The following TEX264 variants were observed in gnomAD, a reference collection of about 807,000 sequenced individuals.
The protein encoded by TEX264 is testis-expressed protein 264.
TEX264 carries 13 observed loss-of-function variants against 23.4 expected under a neutral mutation model. The observed-to-expected ratio is 0.56, with a 90% CI of 0.36 to 0.88. TEX264 has a LOEUF of 0.88. Ranked by LOEUF, TEX264 falls within the 40% of genes least tolerant of loss-of-function variation. The probability of loss-of-function intolerance (pLI) is 0.01; values close to 1 mark genes in which losing one functional copy is unlikely to be tolerated. For missense variants in TEX264, 340 were observed against 406.8 expected (o/e 0.84, Z 1.41); for synonymous variants, 159 against 170.0 (o/e 0.94, Z 0.50).
intron 3 of TEX264, among the ~76,000 whole-genome samples, chr3:51,694,996 A>G (rs1432812586): frequency 1.3e-5 from 2 of 152,226 alleles, no homozygotes; most frequent in African/African-American, 4.8e-5. Flanking sequence ...TGCACGTGCC[A>G]TGAAGACCAG....
Position 51,703,929 on chromosome 3 carries a change from GGA to G in TEX264, c.857_858del (p.Glu286ValfsTer8), listed in dbSNP as rs1703426286. The stretch of plus-strand genomic sequence containing the variant: ...ACTTGGAGGGCGAGGGGCCCTTAGG[GGA>G]GTCACGGCTGGACCCTGGGACTGAG... Reference protein sequence around the residue: ...LDLEGEGPLGESRLDPGTEPL... With the variant: ...LDLEGEGPLGXSRLDPGTEPL... On this transcript the variant is annotated frameshift_variant, in exon 5 of 5. Coordinates refer to ENST00000341333, the MANE Select transcript of TEX264 (RefSeq NM_015926.6). LOFTEE classifies it low-confidence loss of function (END_TRUNC). This position sits in a 1 kb window ranked among gnomAD's most constrained non-coding sequence, Gnocchi z 4.8. 1 of 1,605,844 alleles carries G rather than the reference GGA, an allele frequency of 6.2e-7. No individual in the cohort carries two copies. Among genetic ancestry groups the G allele is most frequent in the Non-Finnish European group, 8.5e-7 (1 of 1,174,464 alleles).
intron 2 of TEX264, among the ~76,000 whole-genome samples, chr3:51,675,428 A>G (rs1416969523): frequency 6.6e-6 from 1 of 152,180 alleles, no homozygotes; most frequent in Non-Finnish European, 1.5e-5. Context: ...CAAGTGCACA[A>G]GTCCTGCAGT....
intron 4 of TEX264, among the ~76,000 whole-genome samples, chr3:51,702,180 C>G (rs571498184): frequency 6.6e-6 from 1 of 152,140 alleles, no homozygotes; most frequent in Middle Eastern, 3.2e-3. Flanking sequence ...GAAACTGTCT[C>G]CCTCCTTTGC....
chr3:51,675,372 C>A (rs1171461472), intron 2 of TEX264, among the ~76,000 whole-genome samples: 1 of 152,174 alleles, frequency 6.6e-6, no homozygotes, highest in African/African-American at 2.4e-5. Flanking sequence ...CCATGCCAAA[C>A]CAAGCATTTG....
intron 3 of TEX264, among the ~76,000 whole-genome samples, chr3:51,689,525 G>C (rs1702751028): frequency 6.6e-6 from 1 of 151,932 alleles, no homozygotes; most frequent in South Asian, 2.1e-4. Context: ...ATAGTTCTCA[G>C]ACTGCCCTGG....
rs111271148 is a variant in TEX264 at position 51,680,307 on chromosome 3, C to G, written c.259-4106C>G. Among the ~76,000 whole-genome samples the G allele has an allele frequency of 5.1e-3, 784 of 152,356 alleles. 5 individuals are homozygous for G. The highest frequency in any genetic ancestry group is 0.018 in the African/African-American group (731 of 41,584). On this transcript the variant is annotated intron_variant, in intron 2 of 4. Transcript: ENST00000341333. ...AAGATTATCAGTCTTGTCCAGTTCCCAGACTCAGCGAGGTCTTGGCTTGGC... is the reference window on the plus strand; with the variant it reads ...AAGATTATCAGTCTTGTCCAGTTCCGAGACTCAGCGAGGTCTTGGCTTGGC...
intron 3 of TEX264, among the ~76,000 whole-genome samples, chr3:51,693,325 C>G (rs6768707): frequency 6.6e-6 from 1 of 152,178 alleles, no homozygotes; most frequent in Non-Finnish European, 1.5e-5. Context: ...CTCACACCTT[C>G]CCACTCCTGC....
chr3:51,684,452 C>T lies in TEX264; in HGVS notation c.298C>T (p.Leu100=). The T allele has an allele frequency of 6.2e-7, 1 of 1,614,202 alleles. No homozygotes were observed. Among genetic ancestry groups the T allele is most frequent in the Non-Finnish European group, 8.5e-7 (1 of 1,180,036 alleles). Reference sequence around the variant, plus strand: ...GTGCCGATGTGCCGTGGGCAGCATCCTGAGTGAAGGTGAGGAATCGCCCTC... The same window carrying T: ...GTGCCGATGTGCCGTGGGCAGCATCTTGAGTGAAGGTGAGGAATCGCCCTC... ...DKCRCAVGSI[L]SEGEESPSPE... is the part of the protein sequence containing the mutation. Residue 100 remains leucine (L), a synonymous_variant, in exon 3 of 5, where the codon CTG becomes TTG. Transcript: ENST00000341333.
intron 3 of TEX264, among the ~76,000 whole-genome samples, chr3:51,690,764 C>G (rs1702799480): frequency 6.6e-6 from 1 of 152,138 alleles, no homozygotes; most frequent in East Asian, 1.9e-4. Context: ...TGTCATTGTT[C>G]TGCGCATGGA....
At chr3:51,681,289 G>A (rs1702421497) in intron 2 of TEX264, 1 of 152,252 alleles carries the variant, frequency 6.6e-6, no homozygotes, top group Non-Finnish European at 1.5e-5. Context: ...TTGCTTGTGT[G>A]TGCATGCATG....
At chr3:51,684,181 A>G (rs1577505375) in intron 2 of TEX264, 1 of 558,842 alleles carries the variant, frequency 1.8e-6, no homozygotes, top group Non-Finnish European at 3.2e-6. Flanking sequence ...TCCACAGGGC[A>G]TGGCATGTTT....
chr3:51,687,061 G>C (rs560005935), intron 3 of TEX264, among the ~76,000 whole-genome samples: 1 of 152,204 alleles, frequency 6.6e-6, no homozygotes, highest in South Asian at 2.1e-4. Context: ...TCCCATGGGA[G>C]CCTGTCAGCT....
At chr3:51,701,160 G>C (rs1703287290) in intron 4 of TEX264, among the ~76,000 whole-genome samples, 1 of 152,168 alleles carries the variant, frequency 6.6e-6, no homozygotes, top group Admixed American at 6.5e-5. Context: ...TGGGTGAAGG[G>C]GGTGGGCTTC....
intron 1 of TEX264, among the ~76,000 whole-genome samples, chr3:51,673,321 T>C (rs913168918): frequency 6.6e-6 from 1 of 152,186 alleles, no homozygotes; most frequent in South Asian, 2.1e-4. Flanking sequence ...TCAAGCCCTC[T>C]GTGTAAGAGG....
chr3:51,680,706 A>G (rs1702398997), intron 2 of TEX264, among the ~76,000 whole-genome samples: 1 of 152,226 alleles, frequency 6.6e-6, no homozygotes, highest in Non-Finnish European at 1.5e-5. Context: ...ACCCAGAGAA[A>G]TAGCTGATCT....
At chr3:51,682,403 T>A (rs1702460775) in intron 2 of TEX264, 2 of 152,072 alleles carry the variant, frequency 1.3e-5, no homozygotes, top group East Asian at 3.9e-4. Flanking sequence ...TACAGCAAAA[T>A]ACTGGGGGAG....
Position 51,703,836 on chromosome 3 carries a change from C to T in TEX264, c.762C>T (p.Asp254=), listed in dbSNP as rs28994878. Residue 254 remains aspartate (D), a synonymous_variant, in exon 5 of 5, where the codon GAC becomes GAT. Coordinates refer to ENST00000341333, the MANE Select transcript of TEX264 (RefSeq NM_015926.6). This position sits in a 1 kb window ranked among gnomAD's most constrained non-coding sequence, Gnocchi z 4.8. The stretch of plus-strand genomic sequence containing the variant: ...GGGCGAGCAGCCGTGGCTGGGATGA[C>T]GGTGACACCCGCAGCGAGCACAGCT... ...SPGASSRGWD[D]GDTRSEHSYS... The T allele has an allele frequency of 2.8e-4, 455 of 1,612,892 alleles. No individual in the cohort carries two copies. In the African/African-American group the frequency reaches 4.6e-3, roughly 16 times the overall value.
intron 1 of TEX264, among the ~76,000 whole-genome samples, chr3:51,673,379 T>C (rs987187627): frequency 1.3e-5 from 2 of 152,174 alleles, no homozygotes; most frequent in African/African-American, 4.8e-5. Flanking sequence ...CAGCCTGCCT[T>C]GAATAGCTCA....
intron 3 of TEX264, among the ~76,000 whole-genome samples, chr3:51,693,922 T>A (rs1702925582): frequency 6.6e-6 from 1 of 152,212 alleles, no homozygotes; most frequent in Admixed American, 6.5e-5. Context: ...CGTCACATAA[T>A]GGTGTTTTTA....
Sources: gnomAD v4.1 joint callset for allele counts (sites outside exome capture counted in the v4.1 genomes callset) on GRCh38, gnomAD v4.1.1 for gene constraint, Gnocchi (gnomAD v3.1) non-coding constraint, MANE v1.5 for transcripts, NCBI Gene and HGNC (gene_info 2026-07-23, HGNC 2026-07-21) for gene names.